ACACA: variants seen among roughly 807,000 people sequenced by gnomAD.
ACACA encodes the protein acetyl-CoA carboxylase alpha.
Under a neutral mutation model 296.1 loss-of-function variants are expected in ACACA, and 103 were observed. The ratio of observed to expected loss-of-function variants is 0.35; its 90% CI spans 0.30 to 0.41. The LOEUF (loss-of-function observed/expected upper bound fraction) is 0.41, where lower values mean the gene tolerates loss of function less well. Among genes scored for constraint, ACACA ranks in the 10% least tolerant of loss-of-function variants. The pLI is 1.00. For synonymous variants in ACACA, 953 were observed against 1,038.6 expected (o/e 0.92, Z 1.58); for missense variants, 1,554 against 2,989.7 (o/e 0.52, Z 11.20).
At chr17:37,368,854 A>G (rs1239338012) in intron 1 of ACACA, 1 of 152,196 alleles carries the variant, frequency 6.6e-6, no homozygotes, top group African/African-American at 2.4e-5. Context: ...AGGAACCTGC[A>G]TATATTACAA....
chr17:37,302,202 CTT>C (rs1238449451), intron 3 of ACACA, among the ~76,000 whole-genome samples: 73 of 120,730 alleles, frequency 6.0e-4, no homozygotes, highest in Admixed American at 6.9e-4. Context: ...GTCTGGAACT[CTT>C]TTTTTTTTTT....
intron 1 of ACACA, among the ~76,000 whole-genome samples, chr17:37,376,835 A>T (rs1000176942): frequency 6.6e-6 from 1 of 152,076 alleles, no homozygotes; most frequent in South Asian, 2.1e-4. Context: ...TGCACCTGTA[A>T]TCTCAGCTAC....
chr17:37,388,530 T>C (rs1342124792), intron 1 of ACACA: 10 of 977,648 alleles, frequency 1.0e-5, no homozygotes, highest in East Asian at 2.6e-5. Context: ...TGAGTTTGAA[T>C]TGGAAATTCT....
At chr17:37,129,515 A>G (rs2074987785) in intron 46 of ACACA, 30 bp from the exon 47 acceptor site, 1 of 1,613,324 alleles carries the variant, frequency 6.2e-7, no homozygotes, top group Admixed American at 1.7e-5. Flanking sequence ...GAGCACAGCA[A>G]TCAGTGAACG....
intron 3 of ACACA, among the ~76,000 whole-genome samples, chr17:37,311,884 A>AAAG (rs1167318236): frequency 6.6e-6 from 1 of 151,676 alleles, no homozygotes; most frequent in African/African-American, 2.4e-5. Flanking sequence ...AAAAAAAAAA[A>AAAG]AAGAAGAAGA....
Position 37,089,042 on chromosome 17 carries a change from C to T in ACACA, c.6924G>A (p.Ala2308=), listed in dbSNP as rs141608509. The T allele has an allele frequency of 5.0e-4, 812 of 1,614,180 alleles. 4 individuals are homozygous for T. The African/African-American group carries it at 9.4e-3, about 19-fold the overall frequency. The change falls in exon 55 of 56, where the codon GCG becomes GCA. Residue 2308 remains alanine, a synonymous_variant. Transcript: ENST00000616317. ...CTGTCAGCTGTTTCTCTAGCCACTC[C>T]GCCAGATCCTTATTATTGTCCCAAA... ...AYVWDNNKDL[A]EWLEKQLTEE...
chr17:37,159,295 C>T (rs570416165), intron 42 of ACACA, among the ~76,000 whole-genome samples: 2 of 152,266 alleles, frequency 1.3e-5, no homozygotes, highest in African/African-American at 4.8e-5. Context: ...TCCTGGCTCA[C>T]TGCAACCTCC....
chr17:37,094,911 C>T (rs1305654078), intron 54 of ACACA, among the ~76,000 whole-genome samples: 10 of 152,266 alleles, frequency 6.6e-5, no homozygotes, highest in Admixed American at 6.5e-4. Context: ...TCCTACTGAG[C>T]TACGGGGTGG....
At chr17:37,181,102 C>A (rs2077301136) in intron 40 of ACACA, 99 bp downstream of exon 40, 1 of 1,316,812 alleles carries the variant, frequency 7.6e-7, no homozygotes, top group Non-Finnish European at 1.1e-6. Flanking sequence ...ATTTCTTGCC[C>A]TTTGGAGTGC....
chr17:37,278,419 G>T (rs776127107), intron 5 of ACACA, among the ~76,000 whole-genome samples: 5 of 152,192 alleles, frequency 3.3e-5, no homozygotes, highest in African/African-American at 4.8e-5. Context: ...TACAGAGCTT[G>T]ACAGAATGGA....
intron 11 of ACACA, among the ~76,000 whole-genome samples, chr17:37,263,193 C>A (rs940752068): frequency 6.6e-6 from 1 of 152,166 alleles, no homozygotes; most frequent in Non-Finnish European, 1.5e-5. Flanking sequence ...TATGTTCAGG[C>A]CTCTAAACTA....
chr17:37,300,474 C>T (rs1377914077), intron 3 of ACACA, among the ~76,000 whole-genome samples: 2 of 152,094 alleles, frequency 1.3e-5, no homozygotes, highest in Non-Finnish European at 2.9e-5. Flanking sequence ...CCAAATCTAA[C>T]CTGAATCATG....
intron 35 of ACACA, 36 bp downstream of exon 35, chr17:37,200,103 A>AG (rs1216434248): frequency 6.7e-7 from 1 of 1,487,614 alleles, no homozygotes; most frequent in African/African-American, 1.4e-5. Context: ...CAAATAAAAC[A>AG]GTAAGTAATC....
chr17:37,207,562 T>G, intron 31 of ACACA, 95 bp downstream of exon 31: 1 of 1,471,410 alleles, frequency 6.8e-7, no homozygotes, highest in Non-Finnish European at 9.4e-7. Context: ...TCATGGCTAT[T>G]CGGGAGACCT....
chr17:37,270,945 A>C, intron 9 of ACACA, 84 bp from the exon 10 acceptor site: 1 of 936,794 alleles, frequency 1.1e-6, no homozygotes, highest in Non-Finnish European at 1.7e-6. Context: ...CCCTTTAAGA[A>C]TGCAGTCATT....
intron 55 of ACACA, among the ~76,000 whole-genome samples, chr17:37,088,369 G>C (rs1205487991): frequency 6.6e-6 from 1 of 152,128 alleles, no homozygotes; most frequent in Non-Finnish European, 1.5e-5. Context: ...GGGAGGGCAG[G>C]CACACTCATA....
At chr17:37,146,671 G>C (rs528242267) in intron 45 of ACACA, among the ~76,000 whole-genome samples, 6 of 128,496 alleles carry the variant, frequency 4.7e-5, no homozygotes, top group African/African-American at 1.1e-4. Context: ...GGGGGGGAAG[G>C]GGGGGGCAGA....
Position 37,224,983 on chromosome 17 carries a change from TA to T in ACACA, c.3474+8del. The stretch of plus-strand genomic sequence containing the variant: ...GGAAAGGGTTATATATATATATATA[TA>T]TATATACCTGCAGGTTCTCAATGCA... On this transcript the variant is annotated splice_region_variant and intron_variant, in intron 27 of 55. Coordinates refer to ENST00000616317, the MANE Select transcript of ACACA (RefSeq NM_198834.3). 7.7e-7 allele frequency: 1 copy of T among 1,306,126 alleles called. No individual in the cohort carries two copies. Among genetic ancestry groups the T allele is most frequent in the South Asian group, 1.2e-5 (1 of 82,608 alleles). 80.9% of individuals were successfully genotyped at this position (1,306,126 alleles called of 1,614,324 possible). A position where few individuals can be genotyped will look rare whatever the true frequency, so the allele number is the denominator to read the frequency against.
At chr17:37,370,484 T>TA (rs772679026) in intron 1 of ACACA, among the ~76,000 whole-genome samples, 7,485 of 76,196 alleles carry the variant, frequency 0.098, 920 homozygotes, top group African/African-American at 0.31. Flanking sequence ...TAGTCTCTAC[T>TA]AAAAAAAAAA....
Sources: gnomAD v4.1 joint callset for allele counts (sites outside exome capture counted in the v4.1 genomes callset) on GRCh38, gnomAD v4.1.1 for gene constraint, MANE v1.5 for transcripts, NCBI Gene and HGNC (gene_info 2026-07-23, HGNC 2026-07-21) for gene names.